The following COG6 variants were observed in gnomAD, a reference collection of about 807,000 sequenced individuals.
COG6 encodes the protein conserved oligomeric Golgi complex subunit 6.
Under a neutral mutation model 88.8 loss-of-function variants are expected in COG6, and 74 were observed. That is an observed-to-expected ratio of 0.83 (90% confidence interval 0.69 to 1.01). The LOEUF is 1.01. Among genes scored for constraint, COG6 ranks in the 50% least tolerant of loss-of-function variants. COG6 has a pLI of 0.00. For synonymous variants in COG6, 286 were observed against 278.7 expected, an observed-to-expected ratio of 1.03 and a Z score of -0.26; for missense variants, 800 against 797.9, an observed-to-expected ratio of 1.00 and a Z score of -0.03.
chr13:39,695,395 C>A (rs1420862843), intron 12 of COG6, among the ~76,000 whole-genome samples: 1 of 151,784 alleles, frequency 6.6e-6, no homozygotes, highest in Non-Finnish European at 1.5e-5. Context: ...TTATAACTCT[C>A]ACTGTAAGAC....
downstream of COG6, chr13:39,752,695 C>A: frequency 8.7e-7 from 1 of 1,147,236 alleles, no homozygotes; most frequent in East Asian, 6.4e-5. Context: ...TTAGAAAATG[C>A]ACTAATGGAA....
chr13:39,664,441 A>G (rs968799487), intron 3 of COG6, among the ~76,000 whole-genome samples: 5 of 152,168 alleles, frequency 3.3e-5, no homozygotes, highest in African/African-American at 1.2e-4. Flanking sequence ...AGAGAATCTC[A>G]TTGTCTTTTG....
chr13:39,705,964 A>G (rs1189164620), intron 13 of COG6, among the ~76,000 whole-genome samples: 1 of 152,036 alleles, frequency 6.6e-6, no homozygotes, highest in African/African-American at 2.4e-5. Context: ...AAACAAACAG[A>G]AAACCAAATT....
intron 13 of COG6, among the ~76,000 whole-genome samples, chr13:39,711,387 T>A (rs1344530244): frequency 1.3e-5 from 2 of 152,142 alleles, no homozygotes; most frequent in Non-Finnish European, 2.9e-5. Context: ...TCTGAAAAAA[T>A]TAACTTTATA....
In COG6 at chr13:39,751,263, G is replaced by C; in HGVS notation, c.*170G>C. ...TTTGGTCTCAGTAACAGGGAAGTAA[G>C]TAACATGTTGACCTGAGCTAGTATT... On this transcript the variant is annotated 3_prime_UTR_variant, in exon 19 of 19. Transcript: ENST00000455146. 6.6e-7 allele frequency: 1 copy of C among 1,512,106 alleles called. No homozygotes were observed. The highest frequency in any genetic ancestry group is 8.8e-7 in the Non-Finnish European group (1 of 1,133,896). 93.7% of individuals were successfully genotyped at this position (1,512,106 alleles called of 1,614,324 possible).
chr13:39,682,033 T>A (rs1217853525), intron 7 of COG6, 138 bp from the exon 8 acceptor site: 5 of 646,330 alleles, frequency 7.7e-6, no homozygotes, highest in Non-Finnish European at 1.4e-5. Context: ...TCATTTTTGA[T>A]TGGTGTATTC....
chr13:39,754,893 G>A (rs983283552), downstream of COG6, among the ~76,000 whole-genome samples: 1 of 152,146 alleles, frequency 6.6e-6, no homozygotes, highest in Non-Finnish European at 1.5e-5. Flanking sequence ...TTATAATTCA[G>A]CCGGATGTCC....
intron 18 of COG6, among the ~76,000 whole-genome samples, chr13:39,769,701 C>A (rs1005822115): frequency 3.9e-5 from 6 of 152,124 alleles, no homozygotes; most frequent in Non-Finnish European, 7.4e-5. Context: ...TATGTTGAAA[C>A]CTAACCCCCA....
chr13:39,758,544 C>A (rs1023078912), intron 18 of COG6, among the ~76,000 whole-genome samples: 1 of 152,160 alleles, frequency 6.6e-6, no homozygotes, highest in Admixed American at 6.5e-5. Flanking sequence ...CAATGAGATT[C>A]TACTTTGCAC....
intron 4 of COG6, among the ~76,000 whole-genome samples, chr13:39,669,447 G>A (rs1875483695): frequency 6.6e-6 from 1 of 152,196 alleles, no homozygotes; most frequent in Admixed American, 6.5e-5. Flanking sequence ...AGGTATTACA[G>A]TTGTTTGCAA....
chr13:39,702,598 C>T (rs1877643565), intron 13 of COG6, among the ~76,000 whole-genome samples: 2 of 151,910 alleles, frequency 1.3e-5, no homozygotes, highest in South Asian at 2.1e-4. Flanking sequence ...AACTAACAGC[C>T]AACATCATAA....
At chr13:39,766,507 C>A (rs904728590) in intron 18 of COG6, among the ~76,000 whole-genome samples, 2 of 152,114 alleles carry the variant, frequency 1.3e-5, no homozygotes, top group African/African-American at 4.8e-5. Context: ...AAATCTGGTT[C>A]TGTCATTTCC....
chr13:39,744,299 A>G (rs545781593), intron 18 of COG6, among the ~76,000 whole-genome samples: 66 of 152,342 alleles, frequency 4.3e-4, no homozygotes, highest in African/African-American at 1.6e-3. Context: ...AATTAGGAAA[A>G]GAGGAAGTCA....
intron 7 of COG6, among the ~76,000 whole-genome samples, 159 bp downstream of exon 7, chr13:39,680,204 CTT>C (rs1468950628): frequency 6.6e-6 from 1 of 151,960 alleles, no homozygotes; most frequent in African/African-American, 2.4e-5. Flanking sequence ...TTTACTTGGT[CTT>C]TGATGCATTT....
chr13:39,706,261 A>ATATATATATATATATATATATATTCCTT (rs1316496387), intron 13 of COG6, among the ~76,000 whole-genome samples: 1 of 137,666 alleles, frequency 7.3e-6, no homozygotes, highest in Non-Finnish European at 1.6e-5. Flanking sequence ...TCCTTTATAT[A>ATATATATATATATATATATATATTCCTT]TATATATATA....
intron 4 of COG6, among the ~76,000 whole-genome samples, chr13:39,672,666 T>C (rs1423249452): frequency 6.6e-6 from 1 of 152,116 alleles, no homozygotes; most frequent in Non-Finnish European, 1.5e-5. Context: ...ATTTGGGTTA[T>C]TTCCACTATT....
chr13:39,673,931 G>A (rs907732398), intron 4 of COG6, among the ~76,000 whole-genome samples: 2 of 151,784 alleles, frequency 1.3e-5, no homozygotes, highest in Non-Finnish European at 2.9e-5. Context: ...TCTCAAAAAA[G>A]ATTATCACAA....
chr13:39,762,198 T>A (rs1402982699), intron 18 of COG6, among the ~76,000 whole-genome samples: 1 of 151,940 alleles, frequency 6.6e-6, no homozygotes, highest in Non-Finnish European at 1.5e-5. Flanking sequence ...AATAACAAAA[T>A]TATCTCATTT....
intron 18 of COG6, among the ~76,000 whole-genome samples, chr13:39,727,964 CAA>C (rs1593456029): frequency 3.9e-5 from 6 of 152,020 alleles, no homozygotes; most frequent in African/African-American, 1.4e-4. Context: ...TAAAATTACT[CAA>C]TATCATTTAT....
Sources: gnomAD v4.1 joint callset for allele counts (sites outside exome capture counted in the v4.1 genomes callset) on GRCh38, gnomAD v4.1.1 for gene constraint, MANE v1.5 for transcripts, NCBI Gene and HGNC (gene_info 2026-07-23, HGNC 2026-07-21) for gene names.